CDH18: variants seen among roughly 807,000 people sequenced by gnomAD.
The protein encoded by CDH18 is cadherin-18.
Under a neutral mutation model 67.9 loss-of-function variants are expected in CDH18, and 31 were observed. The observed-to-expected ratio is 0.46, with a 90% CI of 0.34 to 0.62. CDH18 has a LOEUF of 0.62. Among genes scored for constraint, CDH18 ranks in the 20% least tolerant of loss-of-function variants. The pLI is 0.01. For synonymous variants in CDH18, 362 were observed against 347.2 expected, an observed-to-expected ratio of 1.04 and a Z score of -0.48; for missense variants, 890 against 975.5, an observed-to-expected ratio of 0.91 and a Z score of 1.17.
intron 2 of CDH18, among the ~76,000 whole-genome samples, chr5:19,907,222 G>T (rs370127416): frequency 6.6e-6 from 1 of 151,682 alleles, no homozygotes; most frequent in African/African-American, 2.4e-5. Context: ...TATCAAACCC[G>T]TGTCTGTAGA....
At chr5:20,199,556 T>G (rs978342046) in intron 2 of CDH18, among the ~76,000 whole-genome samples, 1 of 152,238 alleles carries the variant, frequency 6.6e-6, no homozygotes, top group Non-Finnish European at 1.5e-5. Flanking sequence ...TTGCCTCAGA[T>G]GAGATTTTGG....
chr5:20,558,809 AT>A (rs1561129859), intron 1 of CDH18, among the ~76,000 whole-genome samples: 1 of 151,960 alleles, frequency 6.6e-6, no homozygotes, highest in African/African-American at 2.4e-5. Flanking sequence ...GGCCAGTAAG[AT>A]TTTTTAATAA....
At chr5:20,514,794 T>C (rs896378611) in intron 1 of CDH18, among the ~76,000 whole-genome samples, 2 of 151,990 alleles carry the variant, frequency 1.3e-5, no homozygotes, top group Non-Finnish European at 2.9e-5. Context: ...AGGAAGAAAA[T>C]GTCATTTGTC....
At chr5:19,621,764 C>T (rs969589647) in intron 5 of CDH18, among the ~76,000 whole-genome samples, 1 of 152,140 alleles carries the variant, frequency 6.6e-6, no homozygotes, top group Non-Finnish European at 1.5e-5. Context: ...ACTGTGCCTA[C>T]AGTTAATGAT....
At position 20,377,543 on chromosome 5, in the gene CDH18, C is replaced by G. The variant is rs1743562253; in HGVS notation, c.-579-122038G>C. 3.3e-5 allele frequency among the ~76,000 whole-genome samples: 5 copies of G among 151,982 alleles called. No homozygotes were observed. In the South Asian group the frequency reaches 1.0e-3, roughly 32 times the overall value. ...TTATTCGAATCTAGAAATATTAAAA[C>G]GTTAAATAAATGTCATCATTGAAAT... is the stretch of plus-strand genomic sequence containing the variant. On this transcript the variant is annotated intron_variant, in intron 1 of 14. Transcript: ENST00000507958.
chr5:20,251,358 C>T (rs1406864485), intron 2 of CDH18, among the ~76,000 whole-genome samples: 2 of 151,956 alleles, frequency 1.3e-5, no homozygotes, highest in African/African-American at 2.4e-5. Context: ...AAGAATAATG[C>T]TCACACCGAT....
chr5:20,092,768 A>T (rs2062607050), intron 2 of CDH18, among the ~76,000 whole-genome samples: 1 of 152,168 alleles, frequency 6.6e-6, no homozygotes, highest in South Asian at 2.1e-4. Context: ...AATGCACAGT[A>T]TTACATTTTT....
At chr5:19,658,196 A>G (rs889504356) in intron 5 of CDH18, among the ~76,000 whole-genome samples, 2 of 152,068 alleles carry the variant, frequency 1.3e-5, no homozygotes, top group African/African-American at 4.8e-5. Context: ...TTTTATATAG[A>G]TATTATCCTT....
Position 19,644,377 on chromosome 5 carries a change from C to G in CDH18, c.644-31776G>C, listed in dbSNP as rs12659742. On this transcript the variant is annotated intron_variant, in intron 5 of 12. Transcript: ENST00000382275. ...ATCCCATCATGGTTTGATTTCACCC[C>G]GCCAAAAAAAAATGAGTAAGGGATT... Among the ~76,000 whole-genome samples, 7 of 150,366 alleles carry G rather than the reference C, an allele frequency of 4.7e-5. No homozygotes were observed. In the South Asian group the frequency reaches 1.5e-3, roughly 31 times the overall value.
intron 6 of CDH18, among the ~76,000 whole-genome samples, chr5:19,602,297 A>T (rs1426843458): frequency 6.6e-6 from 1 of 152,214 alleles, no homozygotes; most frequent in Non-Finnish European, 1.5e-5. Flanking sequence ...GATAATGAAT[A>T]ATTGCAAAAG....
In CDH18 at chr5:20,504,681, CTT is replaced by C. The variant is rs201308112; in HGVS notation, c.-580+70779_-580+70780del. On this transcript the variant is annotated intron_variant, in intron 1 of 14. Transcript: ENST00000507958. Reference sequence around the variant, plus strand: ...AGTAATTTTAGGGGAATCAGGAAGACTTAATAAAAAGAATGAACAGTTAAACT... The same window carrying C: ...AGTAATTTTAGGGGAATCAGGAAGACAATAAAAAGAATGAACAGTTAAACT... 6.4e-3 allele frequency among the ~76,000 whole-genome samples: 956 copies of C among 149,296 alleles called. 5 individuals carry two copies. The highest frequency in any genetic ancestry group is 8.8e-3 in the Non-Finnish European group (594 of 67,482).
intron 3 of CDH18, among the ~76,000 whole-genome samples, chr5:19,834,350 T>A (rs1465387265): frequency 6.6e-6 from 1 of 152,114 alleles, no homozygotes; most frequent in Non-Finnish European, 1.5e-5. Context: ...TAGTTTGTAT[T>A]TCTGTGGGGA....
At chr5:20,480,752 T>C (rs1356251207) in intron 1 of CDH18, among the ~76,000 whole-genome samples, 4 of 152,182 alleles carry the variant, frequency 2.6e-5, no homozygotes, top group Non-Finnish European at 5.9e-5. Flanking sequence ...TTATTTGTTT[T>C]TTCAATCAGC....
chr5:19,472,208 A>G lies in CDH18; in HGVS notation c.*1018T>C, dbSNP rs1315221557. Among the ~76,000 whole-genome samples, 2 of 152,156 alleles carry G rather than the reference A, an allele frequency of 1.3e-5. No individual in the cohort carries two copies. The highest frequency in any genetic ancestry group is 4.8e-5 in the African/African-American group (2 of 41,430). On this transcript the variant is annotated 3_prime_UTR_variant, in exon 13 of 13. Transcript: ENST00000382275. Reference sequence around the variant, plus strand: ...ATTGGAGGATAGTCTTTCAGACTACATTGTTATTGTGTGAGGTACTTATTT... The same window carrying G: ...ATTGGAGGATAGTCTTTCAGACTACGTTGTTATTGTGTGAGGTACTTATTT...
chr5:19,883,736 A>C (rs1003436965), intron 2 of CDH18, among the ~76,000 whole-genome samples: 1 of 152,098 alleles, frequency 6.6e-6, no homozygotes, highest in African/African-American at 2.4e-5. Flanking sequence ...TTAAGGCAAA[A>C]TGTTTATTCT....
intron 1 of CDH18, among the ~76,000 whole-genome samples, chr5:20,495,683 G>A (rs566735162): frequency 1.9e-4 from 29 of 152,216 alleles, no homozygotes; most frequent in African/African-American, 6.7e-4. Flanking sequence ...TGACCATAGT[G>A]ATCACAAAGA....
intron 2 of CDH18, chr5:19,848,067 T>C (rs1783202587): frequency 1.3e-5 from 2 of 152,174 alleles, no homozygotes; most frequent in Admixed American, 6.6e-5. Context: ...CTCTTCTCTT[T>C]ATCCCTTGAG....
chr5:19,601,415 A>G (rs1429157284), intron 6 of CDH18, among the ~76,000 whole-genome samples: 1 of 152,178 alleles, frequency 6.6e-6, no homozygotes, highest in Non-Finnish European at 1.5e-5. Flanking sequence ...GAAGAAATGA[A>G]AATTCTGAAT....
intron 1 of CDH18, among the ~76,000 whole-genome samples, chr5:20,478,566 G>A (rs1752588847): frequency 2.6e-5 from 4 of 152,124 alleles, no homozygotes; most frequent in Non-Finnish European, 5.9e-5. Context: ...TCTTACTTGA[G>A]TGCCAGCTCA....
Sources: gnomAD v4.1 joint callset for allele counts (sites outside exome capture counted in the v4.1 genomes callset) on GRCh38, gnomAD v4.1.1 for gene constraint, MANE v1.5 for transcripts, NCBI Gene and HGNC (gene_info 2026-07-23, HGNC 2026-07-21) for gene names.